The following KCNIP3 variants were observed in gnomAD, a reference collection of about 807,000 sequenced individuals.
KCNIP3 encodes calsenilin.
A neutral mutation model predicts 35.0 loss-of-function variants in KCNIP3; 28 were observed. The observed-to-expected ratio is 0.80, with a 90% CI of 0.59 to 1.10. The LOEUF (loss-of-function observed/expected upper bound fraction) is 1.10, where lower values mean the gene tolerates loss of function less well. KCNIP3 is among the 50% of genes least tolerant of loss of function. The pLI, the probability that KCNIP3 is intolerant of heterozygous loss-of-function variation, is 0.00. For synonymous variants in KCNIP3, 134 were observed against 133.8 expected (o/e 1.00, Z -0.01); for missense variants, 295 against 338.4 (o/e 0.87, Z 1.01).
chr2:95,303,703 G>A (rs1470332357), intron 1 of KCNIP3, among the ~76,000 whole-genome samples: 4 of 152,144 alleles, frequency 2.6e-5, no homozygotes, highest in Non-Finnish European at 4.4e-5. Flanking sequence ...AGGCAGCTGC[G>A]AGTCCAGCTG....
intron 2 of KCNIP3, among the ~76,000 whole-genome samples, chr2:95,326,133 AGTC>A (rs1678774040): frequency 6.6e-6 from 1 of 151,964 alleles, no homozygotes; most frequent in Non-Finnish European, 1.5e-5. Context: ...ACACTTATAA[AGTC>A]AGACACACAT....
intron 2 of KCNIP3, chr2:95,347,226 C>G: frequency 1.0e-6 from 1 of 982,808 alleles, no homozygotes; most frequent in Non-Finnish European, 1.5e-6. Flanking sequence ...TGGCGAGGAG[C>G]GGCCTGGGCC....
At chr2:95,359,263 A>C (rs186808299) in intron 2 of KCNIP3, among the ~76,000 whole-genome samples, 74 of 152,356 alleles carry the variant, frequency 4.9e-4, no homozygotes, top group African/African-American at 1.7e-3. Flanking sequence ...ATTCCTCTCC[A>C]GCTGTGAGCC....
intron 2 of KCNIP3, among the ~76,000 whole-genome samples, chr2:95,346,326 T>TCCCCAGCCCCTCGGCCCCC (rs1679358024): frequency 6.7e-6 from 1 of 149,902 alleles, no homozygotes. Flanking sequence ...TCCCGGCCCC[T>TCCCCAGCCCCTCGGCCCCC]CCCCAGCCCC....
rs1337821071 is a variant in KCNIP3 at position 95,382,537 on chromosome 2, C to T, written c.660+56C>T. On this transcript the variant is annotated intron_variant, in intron 7 of 8. Transcript: ENST00000295225. The surrounding 1 kb of genome is among the most constrained non-coding windows in gnomAD (Gnocchi z 4.5). ...GGAGCCTGGCAGAGGAAGGGGCTCT[C>T]GCTTTTGGGGCCACCCCGGGCAAGT... 8 of 1,353,768 alleles carry T rather than the reference C, an allele frequency of 5.9e-6. No homozygotes were observed. The highest frequency in any genetic ancestry group is 2.4e-5 in the East Asian group (1 of 42,450). 83.9% of individuals were successfully genotyped at this position (1,353,768 alleles called of 1,614,324 possible).
chr2:95,343,994 A>AC (rs1394639861), intron 2 of KCNIP3, among the ~76,000 whole-genome samples: 1 of 186 alleles, frequency 5.4e-3, no homozygotes, highest in African/African-American at 0.021. Context: ...GAGAGGGCTC[A>AC]GGGCCCAGCC....
At chr2:95,372,483 T>G (rs972679180) in intron 2 of KCNIP3, among the ~76,000 whole-genome samples, 4 of 152,202 alleles carry the variant, frequency 2.6e-5, no homozygotes, top group Non-Finnish European at 5.9e-5. Context: ...TTCGAGATAC[T>G]ACAGTATGTC....
intron 2 of KCNIP3, among the ~76,000 whole-genome samples, chr2:95,346,444 G>A (rs1287701074): frequency 3.3e-5 from 5 of 150,840 alleles, no homozygotes; most frequent in South Asian, 4.2e-4. Flanking sequence ...GGCCCGTGCC[G>A]GGCGGGGCGG....
chr2:95,366,933 G>A (rs962760114), intron 2 of KCNIP3, among the ~76,000 whole-genome samples: 13 of 152,074 alleles, frequency 8.5e-5, no homozygotes, highest in Admixed American at 7.9e-4. Context: ...TATATCCTTT[G>A]TCAGATATGC....
At chr2:95,322,059 A>C (rs1050276520) in intron 2 of KCNIP3, among the ~76,000 whole-genome samples, 8 of 151,930 alleles carry the variant, frequency 5.3e-5, no homozygotes, top group African/African-American at 1.9e-4. Flanking sequence ...TCATCTGCAA[A>C]ATGGCCATAA....
intron 2 of KCNIP3, among the ~76,000 whole-genome samples, chr2:95,345,626 G>T (rs538003578): frequency 6.6e-6 from 1 of 152,268 alleles, no homozygotes; most frequent in Non-Finnish European, 1.5e-5. Flanking sequence ...AACACAGCGG[G>T]AAGGATGAGG....
At chr2:95,328,202 A>G (rs1217523451) in intron 2 of KCNIP3, among the ~76,000 whole-genome samples, 2 of 152,066 alleles carry the variant, frequency 1.3e-5, no homozygotes, top group Non-Finnish European at 2.9e-5. Context: ...TGGGCCAAAC[A>G]TGATGGCACA....
In KCNIP3 at chr2:95,382,440, C is replaced by A; in HGVS notation, c.619C>A (p.Arg207=). Residue 207 remains arginine (R), a synonymous_variant, in exon 7 of 9, where the codon CGG becomes AGG. Coordinates refer to ENST00000295225, the MANE Select transcript of KCNIP3 (RefSeq NM_013434.5). The surrounding 1 kb of genome is among the most constrained non-coding windows in gnomAD (Gnocchi z 4.5). ...MMGRHTYPIL[R]EDAPAEHVER... ...GGGCCGCCACACCTACCCCATCCTG[C>A]GGGAGGACGCGCCGGCGGAGCACGT... 1.2e-6 allele frequency: 2 copies of A among 1,609,090 alleles called. No individual in the cohort carries two copies. The highest frequency in any genetic ancestry group is 2.2e-5 in the South Asian group (2 of 90,610).
intron 8 of KCNIP3, 53 bp from the exon 9 acceptor site, chr2:95,383,949 C>A: frequency 1.3e-6 from 2 of 1,517,804 alleles, no homozygotes; most frequent in Non-Finnish European, 9.2e-7. Context: ...TCAAGGGGGT[C>A]GGATTTGGAG....
At position 95,362,830 on chromosome 2, in the gene KCNIP3, T is replaced by C. The variant is rs1679833749; in HGVS notation, c.182-11466T>C. ...CCCAGGGAGTTGAGGACCCCTGCAC[T>C]AGAGTGTTTCAGAATTACCATTGAT... On this transcript the variant is annotated intron_variant, in intron 2 of 8. Coordinates refer to ENST00000295225, the MANE Select transcript of KCNIP3 (RefSeq NM_013434.5). 2.0e-5 allele frequency among the ~76,000 whole-genome samples: 3 copies of C among 152,214 alleles called. No homozygotes were observed. In the South Asian group the frequency reaches 6.2e-4, roughly 32 times the overall value.
intron 2 of KCNIP3, among the ~76,000 whole-genome samples, chr2:95,346,565 TG>T (rs1679371226): frequency 6.9e-6 from 1 of 145,046 alleles, no homozygotes; most frequent in South Asian, 2.1e-4. Flanking sequence ...CGATGGAGGC[TG>T]GGGCGGCCGG....
intron 2 of KCNIP3, among the ~76,000 whole-genome samples, chr2:95,353,130 G>A (rs1679569466): frequency 6.6e-6 from 1 of 152,230 alleles, no homozygotes; most frequent in Non-Finnish European, 1.5e-5. Flanking sequence ...GATTCTGGCT[G>A]GGGCAGGAGT....
chr2:95,353,146 C>T (rs1338254710), intron 2 of KCNIP3, among the ~76,000 whole-genome samples: 5 of 152,214 alleles, frequency 3.3e-5, no homozygotes. Context: ...GGAGTGTCTC[C>T]TAGTGGGAGG....
intron 2 of KCNIP3, among the ~76,000 whole-genome samples, chr2:95,323,101 G>C (rs2113418): frequency 1.3e-5 from 2 of 152,030 alleles, no homozygotes; most frequent in South Asian, 4.1e-4. Context: ...TAGGAGGGGG[G>C]TGAACAGGAA....
Sources: allele counts gnomAD v4.1 joint callset (sites outside exome capture counted in the v4.1 genomes callset), GRCh38; gene constraint gnomAD v4.1.1; non-coding constraint Gnocchi (gnomAD v3.1); transcripts MANE v1.5; gene names NCBI Gene and HGNC (gene_info 2026-07-23, HGNC 2026-07-21).